The following GRM1 variants were observed in gnomAD, a reference collection of about 807,000 sequenced individuals.
GRM1 encodes metabotropic glutamate receptor 1.
A neutral mutation model predicts 90.9 loss-of-function variants in GRM1; 33 were observed. The observed-to-expected ratio is 0.36, with a 90% CI of 0.28 to 0.49. The LOEUF (loss-of-function observed/expected upper bound fraction) is 0.49, where lower values mean the gene tolerates loss of function less well. Ranked by LOEUF, GRM1 falls within the 20% of genes least tolerant of loss-of-function variation. GRM1 has a pLI of 0.99. For synonymous variants in GRM1, 700 were observed against 613.2 expected, an observed-to-expected ratio of 1.14 and a Z score of -2.09; for missense variants, 1,190 against 1,534.3, an observed-to-expected ratio of 0.78 and a Z score of 3.75.
intron 1 of GRM1, among the ~76,000 whole-genome samples, chr6:146,042,335 A>G (rs1174391308): frequency 6.6e-6 from 1 of 152,032 alleles, no homozygotes; most frequent in Non-Finnish European, 1.5e-5. Context: ...AGAAAGGGAG[A>G]TGAGAGATCC....
At chr6:146,303,678 T>C (rs755423762) in intron 2 of GRM1, among the ~76,000 whole-genome samples, 10 of 152,178 alleles carry the variant, frequency 6.6e-5, no homozygotes, top group Non-Finnish European at 1.2e-4. Flanking sequence ...GCCGACCTCG[T>C]GCCAGTGGCC....
chr6:146,196,733 C>T (rs1779137534), intron 2 of GRM1, among the ~76,000 whole-genome samples: 1 of 152,080 alleles, frequency 6.6e-6, no homozygotes, highest in Non-Finnish European at 1.5e-5. Flanking sequence ...GATTGGGGCT[C>T]AGCCATCTAT....
At chr6:146,300,861 A>G (rs1035308058) in intron 2 of GRM1, among the ~76,000 whole-genome samples, 10 of 152,220 alleles carry the variant, frequency 6.6e-5, no homozygotes, top group African/African-American at 2.4e-4. Context: ...GGAATCAGAT[A>G]TGTTGCTGGT....
At chr6:146,316,982 T>G (rs752962926) in intron 3 of GRM1, among the ~76,000 whole-genome samples, 6 of 152,228 alleles carry the variant, frequency 3.9e-5, no homozygotes, top group Non-Finnish European at 8.8e-5. Flanking sequence ...AGGCACAACC[T>G]GCGTTAATAG....
chr6:146,286,909 T>C (rs1195538595), intron 2 of GRM1, among the ~76,000 whole-genome samples: 1 of 152,210 alleles, frequency 6.6e-6, no homozygotes, highest in Non-Finnish European at 1.5e-5. Context: ...ATGGCAGGCA[T>C]ATTATCCCTC....
intron 2 of GRM1, among the ~76,000 whole-genome samples, chr6:146,214,578 A>G (rs1314696109): frequency 1.3e-5 from 2 of 152,180 alleles, no homozygotes; most frequent in Non-Finnish European, 2.9e-5. Context: ...TCAATACAAT[A>G]GGTCATAATT....
intron 2 of GRM1, among the ~76,000 whole-genome samples, chr6:146,208,649 T>C (rs1779574984): frequency 6.6e-6 from 1 of 152,178 alleles, no homozygotes; most frequent in African/African-American, 2.4e-5. Flanking sequence ...ATTTTACCTT[T>C]GAATTTCACA....
At chr6:146,178,210 C>T (rs1778406145) in intron 2 of GRM1, among the ~76,000 whole-genome samples, 1 of 152,068 alleles carries the variant, frequency 6.6e-6, no homozygotes, top group Non-Finnish European at 1.5e-5. Flanking sequence ...CTTTGATGAC[C>T]TCAATAGTTT....
chr6:146,432,524 A>G (rs1404523843), intron 7 of GRM1, among the ~76,000 whole-genome samples: 1 of 152,180 alleles, frequency 6.6e-6, no homozygotes, highest in Non-Finnish European at 1.5e-5. Context: ...TTTTTTCCAA[A>G]CAAAAACTAG....
intron 6 of GRM1, among the ~76,000 whole-genome samples, chr6:146,397,260 A>G (rs912854591): frequency 2.0e-5 from 3 of 151,998 alleles, no homozygotes; most frequent in Non-Finnish European, 4.4e-5. Flanking sequence ...AGGCAGGCTG[A>G]TCAGGAGATC....
intron 1 of GRM1, among the ~76,000 whole-genome samples, chr6:146,123,045 A>T (rs1280617137): frequency 6.6e-6 from 1 of 151,678 alleles, no homozygotes; most frequent in African/African-American, 2.4e-5. Context: ...GGGTTTCACC[A>T]TGCTGGCCAA....
chr6:146,180,956 C>A (rs916283145), intron 2 of GRM1, among the ~76,000 whole-genome samples: 1 of 152,072 alleles, frequency 6.6e-6, no homozygotes, highest in African/African-American at 2.4e-5. Flanking sequence ...CTTAGTATAA[C>A]TAGAAATAAC....
chr6:146,043,811 A>AT (rs1554260501), intron 1 of GRM1, among the ~76,000 whole-genome samples: 9 of 145,586 alleles, frequency 6.2e-5, no homozygotes, highest in South Asian at 2.2e-4. Context: ...ATATATATAT[A>AT]AAGGGAAGTG....
At chr6:146,270,926 TTCC>T (rs1782126192) in intron 2 of GRM1, among the ~76,000 whole-genome samples, 3 of 130,072 alleles carry the variant, frequency 2.3e-5, no homozygotes, top group African/African-American at 3.7e-5. Flanking sequence ...CCTTCCTTCC[TTCC>T]TTCCTTCCTT....
intron 3 of GRM1, among the ~76,000 whole-genome samples, chr6:146,318,576 C>T (rs1784062092): frequency 6.6e-6 from 1 of 152,156 alleles, no homozygotes; most frequent in African/African-American, 2.4e-5. Context: ...GAGGACTCAC[C>T]ATACTGTCTT....
At chr6:146,212,802 C>T (rs1779724339) in intron 2 of GRM1, among the ~76,000 whole-genome samples, 1 of 151,926 alleles carries the variant, frequency 6.6e-6, no homozygotes, top group Non-Finnish European at 1.5e-5. Flanking sequence ...ATACCACAAA[C>T]TTACAGCTAG....
intron 2 of GRM1, among the ~76,000 whole-genome samples, chr6:146,163,916 T>A (rs188522380): frequency 4.6e-5 from 7 of 152,304 alleles, no homozygotes; most frequent in Admixed American, 4.6e-4. Context: ...CATTTCTTTA[T>A]CTTAACATGG....
At position 146,062,544 on chromosome 6, in the gene GRM1, T is replaced by C. The variant is rs1042090303; in HGVS notation, c.700+32327T>C. ...ATAAAATAAAATAAAATGCTGTTTG[T>C]TTTAAGAATTCAGGATGTTTATAGT... On this transcript the variant is annotated intron_variant, in intron 1 of 7. Coordinates refer to ENST00000282753, the MANE Select transcript of GRM1 (RefSeq NM_001278064.2). 2.1e-5 allele frequency among the ~76,000 whole-genome samples: 3 copies of C among 144,382 alleles called. No homozygotes were observed. The South Asian group carries it at 6.2e-4, about 30-fold the overall frequency. The allele number at this position is 144,382 out of a possible 152,430, so 94.7% of individuals were successfully genotyped here. A position where few individuals can be genotyped will look rare whatever the true frequency, so the allele number is the denominator to read the frequency against.
rs543020357 is a variant in GRM1, at chr6:146,325,819, G to A, written c.1186+20973G>A. On this transcript the variant is annotated intron_variant, in intron 3 of 7. Coordinates refer to ENST00000282753, the MANE Select transcript of GRM1 (RefSeq NM_001278064.2). ...GCTTTTATAATTTTATCTTCTGTGA[G>A]TTTCTTTGCTTATGTCTTTTGTCAG... Among the ~76,000 whole-genome samples, 541 of 152,176 alleles carry A rather than the reference G, an allele frequency of 3.6e-3. 8 individuals carry two copies. Among genetic ancestry groups the A allele is most frequent in the South Asian group, 7.1e-3 (34 of 4,808 alleles).
Sources: allele counts gnomAD v4.1 joint callset (sites outside exome capture counted in the v4.1 genomes callset), GRCh38; gene constraint gnomAD v4.1.1; transcripts MANE v1.5; gene names NCBI Gene and HGNC (gene_info 2026-07-23, HGNC 2026-07-21).